The following GHITM variants were observed in gnomAD, a reference collection of about 807,000 sequenced individuals.
The protein encoded by GHITM is growth hormone-inducible transmembrane protein.
GHITM carries 24 observed loss-of-function variants against 38.7 expected under a neutral mutation model. That is an observed-to-expected ratio of 0.62 (90% CI 0.45 to 0.87). GHITM has a LOEUF of 0.87. GHITM is among the 40% of genes least tolerant of loss of function. The probability of loss-of-function intolerance (pLI) is 0.00; values close to 1 mark genes in which losing one functional copy is unlikely to be tolerated. For missense variants in GHITM, 420 were observed against 429.8 expected (o/e 0.98, Z 0.20); for synonymous variants, 154 against 147.8 (o/e 1.04, Z -0.30).
At chr10:84,141,377 G>C (rs1170788883) in intron 1 of GHITM, 85 bp from the exon 2 acceptor site, 5 of 729,876 alleles carry the variant, frequency 6.9e-6, no homozygotes, top group Non-Finnish European at 1.1e-5. Flanking sequence ...CCTTGACTCT[G>C]ACTCTCATAT....
chr10:84,146,054 T>G (rs1000807637), intron 5 of GHITM, among the ~76,000 whole-genome samples: 3 of 152,212 alleles, frequency 2.0e-5, no homozygotes, highest in African/African-American at 7.2e-5. Flanking sequence ...ATAGAAAATT[T>G]TAAAAATTAA....
Position 84,148,835 on chromosome 10 carries a change from T to C in GHITM, c.589T>C (p.Ser197Pro). 6.4e-7 allele frequency: 1 copy of C among 1,573,512 alleles called. No homozygotes were observed. Among genetic ancestry groups the C allele is most frequent in the Non-Finnish European group, 8.7e-7 (1 of 1,143,136 alleles). ...AAAGCATCTTGCTTGGTTGCTACAT[T>C]CTGGTATGTTCTGTTTTAAATTGTT... Reference protein sequence around the residue: ...GPKHLAWLLHSGVMGAVVAPL... With the variant: ...GPKHLAWLLHPGVMGAVVAPL... Residue 197 changes from serine to proline, a missense_variant, in exon 6 of 9, where the codon TCT becomes CCT. Coordinates refer to ENST00000372134, the MANE Select transcript of GHITM (RefSeq NM_014394.3).
At chr10:84,140,147 C>T in intron 1 of GHITM, 1 of 152,442 alleles carries the variant, frequency 6.6e-6, no homozygotes, top group Non-Finnish European at 1.5e-5. Flanking sequence ...TGGGCTGTTA[C>T]GCCACATGGA....
At chr10:84,141,669 C>A (rs772669304) in intron 2 of GHITM, 40 bp downstream of exon 2, 1 of 1,603,816 alleles carries the variant, frequency 6.2e-7, no homozygotes, top group East Asian at 2.2e-5. Flanking sequence ...CTTCTTTTTC[C>A]ATTTGTGCCC....
Position 84,141,612 on chromosome 10 carries a change from C to A in GHITM, c.112C>A (p.Leu38Met). The A allele has an allele frequency of 6.2e-7, 1 of 1,613,536 alleles. No individual in the cohort carries two copies. Residue 38 changes from leucine (L) to methionine (M), a missense_variant, in exon 2 of 9, where the codon CTG becomes ATG. By Grantham distance (15) the Leu-to-Met change is conservative. Transcript: ENST00000372134. Reference sequence around the variant, plus strand: ...GAATTCCATCACGAAGAATCAATGGCTGTTAACACCTAGCAGGGTAAAGAT... The same window carrying A: ...GAATTCCATCACGAAGAATCAATGGATGTTAACACCTAGCAGGGTAAAGAT... ...VKNSITKNQW[L>M]LTPSREYATK...
chr10:84,152,257 T>C lies in GHITM; in HGVS notation c.954-7T>C. On this transcript the variant is annotated splice_polypyrimidine_tract_variant and splice_region_variant and intron_variant, in intron 8 of 8. Coordinates refer to ENST00000372134, the MANE Select transcript of GHITM (RefSeq NM_014394.3). ...TCATATATAATGGGCATAATTTTCTTTTCTAGGATGCTGAGTATCTACATG... is the reference window on the plus strand; with the variant it reads ...TCATATATAATGGGCATAATTTTCTCTTCTAGGATGCTGAGTATCTACATG... 6.7e-7 allele frequency: 1 copy of C among 1,485,054 alleles called. No homozygotes were observed. The highest frequency in any genetic ancestry group is 9.3e-7 in the Non-Finnish European group (1 of 1,069,614). The allele number at this position is 1,485,054 out of a possible 1,614,324, so 92.0% of individuals were successfully genotyped here. A position where few individuals can be genotyped will look rare whatever the true frequency, so the allele number is the denominator to read the frequency against.
At chr10:84,142,101 G>A (rs7070587) in intron 2 of GHITM, among the ~76,000 whole-genome samples, 61,569 of 152,076 alleles carry the variant, frequency 0.4, 13,293 homozygotes, top group Non-Finnish European at 0.49. Flanking sequence ...AAGGTTTGAA[G>A]TGTGAGGTAA....
intron 1 of GHITM, among the ~76,000 whole-genome samples, 178 bp from the exon 2 acceptor site, chr10:84,141,282 TTA>T (rs1265402900): frequency 6.6e-6 from 1 of 152,230 alleles, no homozygotes; most frequent in Non-Finnish European, 1.5e-5. Flanking sequence ...GTTTCTTGCA[TTA>T]CAGTGGATGG....
At chr10:84,149,453 A>C (rs1325482456) in intron 6 of GHITM, among the ~76,000 whole-genome samples, 12 of 152,200 alleles carry the variant, frequency 7.9e-5, no homozygotes, top group Non-Finnish European at 1.3e-4. Flanking sequence ...AAGGTAACTT[A>C]TTCTTCTTAG....
chr10:84,141,477 C>T lies in GHITM; in HGVS notation c.-24C>T, dbSNP rs909969163. 16 of 1,611,906 alleles carry T rather than the reference C, an allele frequency of 9.9e-6. No individual in the cohort carries two copies. Among genetic ancestry groups the T allele is most frequent in the Middle Eastern group, 1.6e-4 (1 of 6,080 alleles). On this transcript the variant is annotated 5_prime_UTR_variant, in exon 2 of 9. Transcript: ENST00000372134. ...TTTAAACTAGCATTTCAGATCTGCT[C>T]GGTAGACCTGGTGCACCACCACCAT...
intron 2 of GHITM, among the ~76,000 whole-genome samples, chr10:84,141,863 C>T (rs1841510394): frequency 6.6e-6 from 1 of 152,134 alleles, no homozygotes; most frequent in Non-Finnish European, 1.5e-5. Context: ...TGGAGTTTCT[C>T]ATTTAGAAAA....
Position 84,152,322 on chromosome 10 carries a change from G to T in GHITM, c.1012G>T (p.Ala338Ser). Reference protein sequence around the residue: ...NIFMRVATMLATGGNRKK With the variant: ...NIFMRVATMLSTGGNRKK ...ATTTATGCGAGTTGCAACTATGCTGGCAACTGGAGGCAACAGAAAGAAATG... is the reference window on the plus strand; with the variant it reads ...ATTTATGCGAGTTGCAACTATGCTGTCAACTGGAGGCAACAGAAAGAAATG... Residue 338 changes from alanine (A) to serine (S), a missense_variant, in exon 9 of 9, where the codon GCA becomes TCA. Coordinates refer to ENST00000372134, the MANE Select transcript of GHITM (RefSeq NM_014394.3). 6.2e-7 allele frequency: 1 copy of T among 1,600,696 alleles called. No homozygotes were observed. The highest frequency in any genetic ancestry group is 1.7e-5 in the Admixed American group (1 of 59,300).
Position 84,153,432 on chromosome 10 carries a change from A to G in GHITM, c.*1084A>G, listed in dbSNP as rs970706643. On this transcript the variant is annotated 3_prime_UTR_variant, in exon 9 of 9. Transcript: ENST00000372134. ...ATCAACCCAAAAGTGTAATGAGGAAAATGCTTCATTAGTTTCCCCTAGCAG... is the reference window on the plus strand; with the variant it reads ...ATCAACCCAAAAGTGTAATGAGGAAGATGCTTCATTAGTTTCCCCTAGCAG... Among the ~76,000 whole-genome samples, 1 of 152,202 alleles carries G rather than the reference A, an allele frequency of 6.6e-6. No homozygotes were observed. Among genetic ancestry groups the G allele is most frequent in the African/African-American group, 2.4e-5 (1 of 41,444 alleles).
intron 5 of GHITM, among the ~76,000 whole-genome samples, chr10:84,148,298 A>ATTTTTT (rs780801985): frequency 5.6e-5 from 7 of 124,582 alleles, no homozygotes; most frequent in African/African-American, 2.7e-4. Flanking sequence ...TTTATTTTTT[A>ATTTTTT]TTTTTTTATT....
rs1244526483 is a variant in GHITM, at chr10:84,141,554, C to T, written c.54C>T (p.His18=). 2 of 1,613,590 alleles carry T rather than the reference C, an allele frequency of 1.2e-6. No individual in the cohort carries two copies. Among genetic ancestry groups the T allele is most frequent in the Admixed American group, 3.3e-5 (2 of 60,022 alleles). ...GGACACTACCTTCTAGGGTTTTCCA[C>T]CCAGCTTTCACCAAGGCCTCCCCTG... is the stretch of plus-strand genomic sequence containing the variant. ...CLRTLPSRVF[H]PAFTKASPVV... The change falls in exon 2 of 9, where the codon CAC becomes CAT. Residue 18 remains histidine (H), a synonymous_variant. Coordinates refer to ENST00000372134, the MANE Select transcript of GHITM (RefSeq NM_014394.3).
intron 5 of GHITM, 120 bp downstream of exon 5, chr10:84,145,136 TAATG>T: frequency 1.5e-6 from 1 of 683,004 alleles, no homozygotes; most frequent in Non-Finnish European, 2.2e-6. Context: ...TTTGTTCAAA[TAATG>T]TATGAATTAC....
In GHITM at chr10:84,141,717, G is replaced by A. The variant is rs1841508982; in HGVS notation, c.129+88G>A. On this transcript the variant is annotated intron_variant, in intron 2 of 8. Transcript: ENST00000372134. ...AGAGTATGGCTGCTCTGCCTTTAGTGTGTTATACGTCAGTTAGCCCTGATA... is the reference window on the plus strand; with the variant it reads ...AGAGTATGGCTGCTCTGCCTTTAGTATGTTATACGTCAGTTAGCCCTGATA... 3 of 1,243,154 alleles carry A rather than the reference G, an allele frequency of 2.4e-6. No homozygotes were observed. In the East Asian group the frequency reaches 6.9e-5, roughly 29 times the overall value. The allele number at this position is 1,243,154 out of a possible 1,614,324, so 77.0% of individuals were successfully genotyped here.
chr10:84,142,089 A>T (rs1415696211), intron 2 of GHITM, among the ~76,000 whole-genome samples: 1 of 152,210 alleles, frequency 6.6e-6, no homozygotes, highest in South Asian at 2.1e-4. Context: ...CATTCAGATT[A>T]TAAGGTTTGA....
At chr10:84,150,976 A>G (rs1043607935) in intron 8 of GHITM, 96 bp downstream of exon 8, 66 of 796,584 alleles carry the variant, frequency 8.3e-5, no homozygotes, top group South Asian at 3.9e-4. Context: ...TTAGTTTTCT[A>G]GGGATACTGT....
Sources: allele counts gnomAD v4.1 joint callset (sites outside exome capture counted in the v4.1 genomes callset), GRCh38; gene constraint gnomAD v4.1.1; transcripts MANE v1.5; gene names NCBI Gene and HGNC (gene_info 2026-07-23, HGNC 2026-07-21).